RPL23: variants seen among roughly 807,000 people sequenced by gnomAD.
The protein encoded by RPL23 is large ribosomal subunit protein uL14.
For synonymous variants in RPL23, 63 were observed against 65.3 expected, an observed-to-expected ratio of 0.97 and a Z score of 0.17; for missense variants, 79 against 178.8, an observed-to-expected ratio of 0.44 and a Z score of 3.18.
In RPL23 at chr17:38,850,218, C is replaced by T. The variant is rs770050982; in HGVS notation, c.341-4G>A. 2 of 1,587,866 alleles carry T rather than the reference C, an allele frequency of 1.3e-6. No individual in the cohort carries two copies. Among genetic ancestry groups the T allele is most frequent in the Non-Finnish European group, 1.7e-6 (2 of 1,170,460 alleles). The stretch of plus-strand genomic sequence containing the variant: ...ACTGGTCCTGTAATGGCAGAACCTG[C>T]ATTAAAAAAATAAAATAAAATAAAA... On this transcript the variant is annotated splice_polypyrimidine_tract_variant and splice_region_variant and intron_variant, in intron 4 of 4. Coordinates refer to ENST00000479035, the MANE Select transcript of RPL23 (RefSeq NM_000978.4).
rs371296702 is a variant in RPL23 at position 38,850,189 on chromosome 17, T to G, written c.366A>C (p.Ala122=). The stretch of plus-strand genomic sequence containing the variant: ...GGGGCCACAAGTCTGCACACTCCTT[T>G]GCTACTGGTCCTGTAATGGCAGAAC... ...MKGSAITGPV[A]KECADLWPRI... Residue 122 remains alanine (A), a synonymous_variant, in exon 5 of 5, where the codon GCA becomes GCC. Transcript: ENST00000479035. 14 of 1,606,486 alleles carry G rather than the reference T, an allele frequency of 8.7e-6. No individual in the cohort carries two copies. The highest frequency in any genetic ancestry group is 1.3e-5 in the African/African-American group (1 of 74,478).
Position 38,852,227 on chromosome 17 carries a change from AATAAT to A in RPL23, c.226+372_226+376del, listed in dbSNP as rs1421360451. The A allele has an allele frequency of 3.4e-4, 68 of 198,072 alleles. 1 individual carries two copies. The South Asian group carries it at 4.9e-3, about 14-fold the overall frequency. 12.3% of individuals were successfully genotyped at this position (198,072 alleles called of 1,614,324 possible). A position where few individuals can be genotyped will look rare whatever the true frequency, so the allele number is the denominator to read the frequency against. On this transcript the variant is annotated intron_variant, in intron 3 of 4. Transcript: ENST00000479035. ...CAAGTGAGACTCCATCTCAAAAACAAATAATAAAATAAGCAACGGGCAGCTTGTTT... is the reference window on the plus strand; with the variant it reads ...CAAGTGAGACTCCATCTCAAAAACAAAAAATAAGCAACGGGCAGCTTGTTT...
At chr17:38,852,897 T>C (rs764444281) in intron 2 of RPL23, 125 bp downstream of exon 2, 1 of 1,347,942 alleles carries the variant, frequency 7.4e-7, no homozygotes, top group East Asian at 2.3e-5. Flanking sequence ...AAACAACACA[T>C]GTTGCCACTT....
chr17:38,850,754 C>A, intron 3 of RPL23: 1 of 298,828 alleles, frequency 3.3e-6, no homozygotes, highest in Non-Finnish European at 6.2e-6. Context: ...GGAGTAAAGG[C>A]ATGAACCACG....
chr17:38,853,080 T>C lies in RPL23; in HGVS notation c.39A>G (p.Lys13=), dbSNP rs1471822692. The C allele has an allele frequency of 6.2e-7, 1 of 1,613,968 alleles. No homozygotes were observed. Among genetic ancestry groups the C allele is most frequent in the Admixed American group, 1.7e-5 (1 of 59,986 alleles). ...KRGRGGSSGA[K]FRISLGLPVG... is the part of the protein sequence containing the mutation. ...CCGGAAGACCCAAGGAAATCCGGAA[T>C]TTCGCACCAGAGGACCCACCACGTC... The change falls in exon 2 of 5, where the codon AAA becomes AAG. Residue 13 remains lysine, a synonymous_variant. Coordinates refer to ENST00000479035, the MANE Select transcript of RPL23 (RefSeq NM_000978.4).
In RPL23 at chr17:38,850,180, A is replaced by G; in HGVS notation, c.375T>C (p.Cys125=). The change falls in exon 5 of 5, where the codon TGT becomes TGC. Residue 125 remains cysteine (C), a synonymous_variant. Transcript: ENST00000479035. ...ATGCAATCCGGGGCCACAAGTCTGC[A>G]CACTCCTTTGCTACTGGTCCTGTAA... The part of the protein sequence containing the change: ...SAITGPVAKE[C]ADLWPRIASN... 6.2e-7 allele frequency: 1 copy of G among 1,607,926 alleles called. No individual in the cohort carries two copies. Among genetic ancestry groups the G allele is most frequent in the Non-Finnish European group, 8.5e-7 (1 of 1,178,320 alleles).
Position 38,848,302 on chromosome 17 carries a change from G to C in RPL23, c.*1830C>G, listed in dbSNP as rs939569467. ...TGCCCAGGCTGGAGCACAATCGTGC[G>C]ACCTCAGCTCACTGCAACCTCCATC... On this transcript the variant is annotated 3_prime_UTR_variant, in exon 5 of 5. Coordinates refer to ENST00000479035, the MANE Select transcript of RPL23 (RefSeq NM_000978.4). 2.9e-5 allele frequency: 9 copies of C among 307,324 alleles called. No homozygotes were observed. The highest frequency in any genetic ancestry group is 1.5e-4 in the African/African-American group (7 of 45,948). 19.0% of individuals were successfully genotyped at this position (307,324 alleles called of 1,614,324 possible).
At chr17:38,852,312 C>A in intron 3 of RPL23, 1 of 312,184 alleles carries the variant, frequency 3.2e-6, no homozygotes, top group South Asian at 5.2e-5. Context: ...TTGCAGTGAG[C>A]CAAGATCGTG....
In RPL23 at chr17:38,853,388, C is replaced by A. The variant is rs765081769; in HGVS notation, c.14-283G>T. The A allele has an allele frequency of 6.1e-5, 43 of 710,118 alleles. 1 individual carries two copies. In the Admixed American group the frequency reaches 7.6e-4, roughly 13 times the overall value. The allele number at this position is 710,118 out of a possible 1,614,324, so 44.0% of individuals were successfully genotyped here. ...GCAAAACGCAATTACTCCTGCAAGG[C>A]ATAAAACCGCAGAGGTCGCGCAAAC... On this transcript the variant is annotated intron_variant, in intron 1 of 4. Transcript: ENST00000479035.
intron 2 of RPL23, 121 bp downstream of exon 2, chr17:38,852,901 G>T (rs757539507): frequency 4.4e-6 from 6 of 1,349,380 alleles, no homozygotes; most frequent in Non-Finnish European, 6.4e-6. Context: ...AACACATGTT[G>T]CCACTTCACC....
chr17:38,848,305 C>A lies in RPL23; in HGVS notation c.*1827G>T. The A allele has an allele frequency of 3.4e-6, 1 of 292,890 alleles. No individual in the cohort carries two copies. Among genetic ancestry groups the A allele is most frequent in the Non-Finnish European group, 6.1e-6 (1 of 162,846 alleles). 18.1% of individuals were successfully genotyped at this position (292,890 alleles called of 1,614,324 possible). A position where few individuals can be genotyped will look rare whatever the true frequency, so the allele number is the denominator to read the frequency against. On this transcript the variant is annotated 3_prime_UTR_variant, in exon 5 of 5. Coordinates refer to ENST00000479035, the MANE Select transcript of RPL23 (RefSeq NM_000978.4). ...CCAGGCTGGAGCACAATCGTGCGAC[C>A]TCAGCTCACTGCAACCTCCATCTCC...
In RPL23 at chr17:38,847,872, A is replaced by G; in HGVS notation, c.*2260T>C. On this transcript the variant is annotated 3_prime_UTR_variant, in exon 5 of 5. Transcript: ENST00000479035. ...GGAAAACATTTAGTGAAGTGTAAATATAAAGTTTTTTAATCCAAGTCAAAA... is the reference window on the plus strand; with the variant it reads ...GGAAAACATTTAGTGAAGTGTAAATGTAAAGTTTTTTAATCCAAGTCAAAA... The G allele has an allele frequency of 2.0e-6, 3 of 1,474,642 alleles. No individual in the cohort carries two copies. Among genetic ancestry groups the G allele is most frequent in the Non-Finnish European group, 1.8e-6 (2 of 1,110,750 alleles). The allele number at this position is 1,474,642 out of a possible 1,614,324, so 91.3% of individuals were successfully genotyped here.
chr17:38,849,905 A>G lies in RPL23; in HGVS notation c.*227T>C. 1 of 438,426 alleles carries G rather than the reference A, an allele frequency of 2.3e-6. No homozygotes were observed. Among genetic ancestry groups the G allele is most frequent in the Non-Finnish European group, 4.0e-6 (1 of 247,390 alleles). The allele number at this position is 438,426 out of a possible 1,614,324, so 27.2% of individuals were successfully genotyped here. On this transcript the variant is annotated 3_prime_UTR_variant, in exon 5 of 5. Coordinates refer to ENST00000479035, the MANE Select transcript of RPL23 (RefSeq NM_000978.4). ...GAGGCCTGGGTGGGCAGATCACTTG[A>G]GATCAGGAGTTTGAGTCGTTTGGCA...
Position 38,850,219 on chromosome 17 carries a change from A to G in RPL23, c.341-5T>C, listed in dbSNP as rs775649581. The G allele has an allele frequency of 2.8e-5, 45 of 1,589,128 alleles. No homozygotes were observed. The South Asian group carries it at 5.2e-4, about 18-fold the overall frequency. On this transcript the variant is annotated splice_polypyrimidine_tract_variant and splice_region_variant and intron_variant, in intron 4 of 4. Transcript: ENST00000479035. The stretch of plus-strand genomic sequence containing the variant: ...CTGGTCCTGTAATGGCAGAACCTGC[A>G]TTAAAAAAATAAAATAAAATAAAAT...
At chr17:38,850,533 A>G in intron 3 of RPL23, 58 bp from the exon 4 acceptor site, 1 of 1,164,702 alleles carries the variant, frequency 8.6e-7, no homozygotes, top group South Asian at 1.2e-5. Flanking sequence ...TGCCACCACA[A>G]AAGCAGTTTC....
chr17:38,850,044 G>A lies in RPL23; in HGVS notation c.*88C>T, dbSNP rs1271329664. ...GAGGCAGGAGAATCGCTTGAACCCT[G>A]GAAGTGAACAGGGAGACAAGCACTG... On this transcript the variant is annotated 3_prime_UTR_variant, in exon 5 of 5. Transcript: ENST00000479035. 6 of 974,790 alleles carry A rather than the reference G, an allele frequency of 6.2e-6. No homozygotes were observed. Among genetic ancestry groups the A allele is most frequent in the Non-Finnish European group, 9.1e-6 (6 of 658,294 alleles). 60.4% of individuals were successfully genotyped at this position (974,790 alleles called of 1,614,324 possible).
At chr17:38,852,423 G>A in intron 3 of RPL23, 181 bp downstream of exon 3, 1 of 680,028 alleles carries the variant, frequency 1.5e-6, no homozygotes. Context: ...ACTAAGGTAT[G>A]GAAGTGACAA....
rs904309489 is a variant in RPL23 at position 38,848,358 on chromosome 17, C to A, written c.*1774G>T. 1.0e-5 allele frequency: 2 copies of A among 195,388 alleles called. No homozygotes were observed. Among genetic ancestry groups the A allele is most frequent in the Non-Finnish European group, 2.1e-5 (2 of 95,634 alleles). The allele number at this position is 195,388 out of a possible 1,614,324, so 12.1% of individuals were successfully genotyped here. A position where few individuals can be genotyped will look rare whatever the true frequency, so the allele number is the denominator to read the frequency against. The stretch of plus-strand genomic sequence containing the variant: ...GGTTCAAGCAATTCTCCTGCCTCAG[C>A]CTCCCAAGTAGCTGGGATTACAGCA... On this transcript the variant is annotated 3_prime_UTR_variant, in exon 5 of 5. Transcript: ENST00000479035.
chr17:38,852,400 C>T, intron 3 of RPL23: 1 of 594,908 alleles, frequency 1.7e-6, no homozygotes. Context: ...ACAAAAACAA[C>T]AACAAAAAAA....
Sources: allele counts gnomAD v4.1 joint callset, GRCh38; gene constraint gnomAD v4.1.1; transcripts MANE v1.5; gene names NCBI Gene and HGNC (gene_info 2026-07-23, HGNC 2026-07-21).